Variants in ZBTB25 observed in about 807,000 individuals in gnomAD.
ZBTB25 encodes the protein zinc finger and BTB domain-containing protein 25.
ZBTB25 carries 20 observed loss-of-function variants against 34.2 expected under a neutral mutation model. The observed-to-expected ratio is 0.58, with a 90% CI of 0.41 to 0.85. The LOEUF is 0.85. Ranked by LOEUF, ZBTB25 falls within the 40% of genes least tolerant of loss-of-function variation. ZBTB25 has a pLI of 0.00. For synonymous variants in ZBTB25, 175 were observed against 186.4 expected, an observed-to-expected ratio of 0.94 and a Z score of 0.50; for missense variants, 437 against 521.8, an observed-to-expected ratio of 0.84 and a Z score of 1.58.
At chr14:64,464,007 G>A (rs1439214823) in intron 2 of ZBTB25, among the ~76,000 whole-genome samples, 3 of 152,038 alleles carry the variant, frequency 2.0e-5, no homozygotes, top group Admixed American at 6.6e-5. Flanking sequence ...TTCGATAGAC[G>A]TGTTTGCTGA....
rs1135515 is a variant in ZBTB25, at chr14:64,487,737, T to G, written c.494A>C (p.His165Pro). 1 of 1,613,894 alleles carries G rather than the reference T, an allele frequency of 6.2e-7. No homozygotes were observed. The highest frequency in any genetic ancestry group is 2.2e-5 in the East Asian group (1 of 44,866). Reference sequence around the variant, plus strand: ...AGCAAGAGACAACTGCAACTGGGGGTGGTCACCCTGGACAGCAGCTCTGTT... The same window carrying G: ...AGCAAGAGACAACTGCAACTGGGGGGGGTCACCCTGGACAGCAGCTCTGTT... ...SGNRAAVQGD[H>P]PQLQLSLAIG... The change falls in exon 3 of 3, where the codon CAC becomes CCC. Residue 165 changes from histidine (H) to proline (P), a missense_variant. Physicochemically the swap from His to Pro is moderately conservative, Grantham distance 77 (BLOSUM62 -2). Coordinates refer to ENST00000608382, the MANE Select transcript of ZBTB25 (RefSeq NM_006977.5).
At chr14:64,470,416 C>G (rs1003126052) in intron 2 of ZBTB25, 1 of 159,624 alleles carries the variant, frequency 6.3e-6, no homozygotes, top group African/African-American at 2.4e-5. Flanking sequence ...GTGGTGAAAC[C>G]CCATCTCTAC....
intron 2 of ZBTB25, chr14:64,454,701 C>G (rs183656455): frequency 6.2e-7 from 1 of 1,606,664 alleles, no homozygotes; most frequent in South Asian, 1.1e-5. Flanking sequence ...TTTGTCCTCC[C>G]TCTCTTCCCT....
rs2078800945 is a variant in ZBTB25 at position 64,482,013 on chromosome 14, A to T, written c.*4910T>A. On this transcript the variant is annotated 3_prime_UTR_variant, in exon 3 of 3. Transcript: ENST00000608382. The stretch of plus-strand genomic sequence containing the variant: ...GAATGTGCCTGTACAAATAAATGTT[A>T]ACGAAATTACACATTTTTCACACTA... 1 of 152,248 alleles carries T rather than the reference A, an allele frequency of 6.6e-6. No homozygotes were observed. The highest frequency in any genetic ancestry group is 1.5e-5 in the Non-Finnish European group (1 of 68,048). The allele number at this position is 152,248 out of a possible 1,614,324, so 9.4% of individuals were successfully genotyped here.
chr14:64,453,743 T>C (rs1173800391), intron 2 of ZBTB25: 1 of 1,538,960 alleles, frequency 6.5e-7, no homozygotes, highest in Non-Finnish European at 9.0e-7. Flanking sequence ...CATCTCTTTC[T>C]TGTGCATTAG....
chr14:64,469,562 A>T, intron 2 of ZBTB25: 1 of 1,613,894 alleles, frequency 6.2e-7, no homozygotes, highest in South Asian at 1.1e-5. Context: ...ACAATATGAA[A>T]CACTCTTAAT....
chr14:64,449,687 G>A (rs778289939), intron 2 of ZBTB25: 2 of 1,564,500 alleles, frequency 1.3e-6, no homozygotes, highest in Non-Finnish European at 1.7e-6. Context: ...GTTTCTGTGT[G>A]GCTACTTCTA....
intron 2 of ZBTB25, among the ~76,000 whole-genome samples, chr14:64,465,302 G>C (rs2078598662): frequency 6.6e-6 from 1 of 152,052 alleles, no homozygotes. Flanking sequence ...GTGGAGATTG[G>C]CGCCCGGGCG....
chr14:64,474,951 C>CT (rs1324471836), downstream of ZBTB25, among the ~76,000 whole-genome samples: 6 of 152,284 alleles, frequency 3.9e-5, no homozygotes, highest in South Asian at 1.0e-3. Flanking sequence ...TGTTAACACT[C>CT]TATCTTTTCG....
intron 1 of ZBTB25, among the ~76,000 whole-genome samples, chr14:64,500,475 A>AAAAAAAAAAAAAGAG (rs35009526): frequency 1.4e-5 from 1 of 70,526 alleles, no homozygotes; most frequent in African/African-American, 3.7e-5. Context: ...AAAAAAAAAA[A>AAAAAAAAAAAAAGAG]AGAGAGAGAG....
chr14:64,459,835 T>C, intron 2 of ZBTB25: 1 of 1,535,952 alleles, frequency 6.5e-7, no homozygotes, highest in Admixed American at 2.0e-5. Context: ...TTAGGAAGTA[T>C]AAGTAAGCCA....
At chr14:64,453,717 C>T (rs1192666095) in intron 2 of ZBTB25, 2 of 1,234,596 alleles carry the variant, frequency 1.6e-6, no homozygotes, top group East Asian at 4.8e-5. Context: ...TCACATGTGT[C>T]CAGTCATGGT....
At position 64,480,365 on chromosome 14, in the gene ZBTB25, A is replaced by G. The variant is rs1187008594; in HGVS notation, c.*6558T>C. The G allele has an allele frequency of 1.0e-5, 4 of 400,176 alleles. No individual in the cohort carries two copies. Among genetic ancestry groups the G allele is most frequent in the Middle Eastern group, 3.7e-4 (1 of 2,722 alleles). The allele number at this position is 400,176 out of a possible 1,614,324, so 24.8% of individuals were successfully genotyped here. A position where few individuals can be genotyped will look rare whatever the true frequency, so the allele number is the denominator to read the frequency against. ...AAAAAAAGAAGAAGCAAAGCAAGAA[A>G]CTTCTGGGAAATGACGAAATACTAC... On this transcript the variant is annotated 3_prime_UTR_variant, in exon 3 of 3. Coordinates refer to ENST00000608382, the MANE Select transcript of ZBTB25 (RefSeq NM_006977.5).
rs544433514 is a variant in ZBTB25 at position 64,497,207 on chromosome 14, T to G, written c.-8+6454A>C. Among the ~76,000 whole-genome samples, 24 of 152,312 alleles carry G rather than the reference T, an allele frequency of 1.6e-4. No homozygotes were observed. In the East Asian group the frequency reaches 4.6e-3, roughly 29 times the overall value. ...AGTACACATGAGGTGCATTCAAACT[T>G]GTTTTGCATAATAGGAGATCTTTGA... On this transcript the variant is annotated intron_variant, in intron 1 of 2. Coordinates refer to ENST00000608382, the MANE Select transcript of ZBTB25 (RefSeq NM_006977.5).
intron 2 of ZBTB25, chr14:64,454,650 C>A: frequency 8.0e-7 from 1 of 1,245,066 alleles, no homozygotes; most frequent in Non-Finnish European, 1.2e-6. Context: ...TCCATGTAAT[C>A]ACAGGGCCCA....
chr14:64,480,306 G>A lies in ZBTB25; in HGVS notation c.*6617C>T. 3.1e-6 allele frequency: 1 copy of A among 321,404 alleles called. No individual in the cohort carries two copies. The highest frequency in any genetic ancestry group is 5.6e-6 in the Non-Finnish European group (1 of 178,530). The allele number at this position is 321,404 out of a possible 1,614,324, so 19.9% of individuals were successfully genotyped here. A position where few individuals can be genotyped will look rare whatever the true frequency, so the allele number is the denominator to read the frequency against. On this transcript the variant is annotated 3_prime_UTR_variant, in exon 3 of 3. Transcript: ENST00000608382. ...CCACTGTACTCCAGCCTGGGCAACAGAGCAAGACTCCATCTCAAAAAAAAA... is the reference window on the plus strand; with the variant it reads ...CCACTGTACTCCAGCCTGGGCAACAAAGCAAGACTCCATCTCAAAAAAAAA...
At chr14:64,469,061 A>G in intron 2 of ZBTB25, 1 of 1,614,158 alleles carries the variant, frequency 6.2e-7, no homozygotes, top group Non-Finnish European at 8.5e-7. Flanking sequence ...GCATTCTGCT[A>G]TTCAAACGGG....
chr14:64,469,088 G>C, intron 2 of ZBTB25: 1 of 1,613,974 alleles, frequency 6.2e-7, no homozygotes, highest in East Asian at 2.2e-5. Flanking sequence ...AATCCTTGAA[G>C]AAATTGAAAC....
intron 2 of ZBTB25, among the ~76,000 whole-genome samples, chr14:64,454,568 A>G (rs1166355657): frequency 6.7e-6 from 1 of 150,200 alleles, no homozygotes; most frequent in African/African-American, 2.4e-5. Flanking sequence ...TTTTGGCTTA[A>G]TAAATAAGCT....
Sources: allele counts gnomAD v4.1 joint callset (sites outside exome capture counted in the v4.1 genomes callset), GRCh38; gene constraint gnomAD v4.1.1; transcripts MANE v1.5; gene names NCBI Gene and HGNC (gene_info 2026-07-23, HGNC 2026-07-21).